GREB1L: variants seen among roughly 807,000 people sequenced by gnomAD.
GREB1L encodes GREB1-like protein.
A neutral mutation model predicts 200.8 loss-of-function variants in GREB1L; 17 were observed. The observed-to-expected ratio is 0.08, with a 90% CI of 0.06 to 0.13. The LOEUF (loss-of-function observed/expected upper bound fraction) is 0.13, where lower values mean the gene tolerates loss of function less well. Among genes scored for constraint, GREB1L ranks in the 10% least tolerant of loss-of-function variants. The pLI is 1.00. For missense variants in GREB1L, 1,657 were observed against 2,367.7 expected, an observed-to-expected ratio of 0.70 and a Z score of 6.23; for synonymous variants, 789 against 893.0, an observed-to-expected ratio of 0.88 and a Z score of 2.08.
At chr18:21,363,271 A>ACCCCC (rs1567951929) in intron 1 of GREB1L, among the ~76,000 whole-genome samples, 1 of 7,310 alleles carries the variant, frequency 1.4e-4, no homozygotes, top group Non-Finnish European at 2.6e-4. Context: ...CCCTGCCCCC[A>ACCCCC]CTCCGCCTCC....
intron 1 of GREB1L, among the ~76,000 whole-genome samples, chr18:21,347,278 CA>C (rs556087217): frequency 5.7e-4 from 74 of 129,000 alleles, no homozygotes; most frequent in South Asian, 8.3e-4. Context: ...GACTCCGTCT[CA>C]AAAAAAAAAA....
chr18:21,344,640 G>T (rs2039318279), intron 1 of GREB1L, among the ~76,000 whole-genome samples: 1 of 152,258 alleles, frequency 6.6e-6, no homozygotes, highest in South Asian at 2.1e-4. Flanking sequence ...GAATAAAAAT[G>T]AATAAAACAC....
chr18:21,520,784 T>C lies in GREB1L; in HGVS notation c.5569T>C (p.Phe1857Leu). Residue 1857 changes from phenylalanine to leucine, a missense_variant, in exon 32 of 33, where the codon TTT becomes CTT. Around this residue, in one of 9 missense-constraint regions of GREB1L, gnomAD observed 190 missense variants for 230.2 expected, o/e 0.83. Coordinates refer to ENST00000424526, the MANE Select transcript of GREB1L (RefSeq NM_001142966.3). Reference protein sequence around the residue: ...SGLLLYLCDSFVGADLKKFKF... With the variant: ...SGLLLYLCDSLVGADLKKFKF... ...ACTCCTTTTGTACCTCTGTGACTCT[T>C]TTGTAGGTGCTGATCTTAAGAAATT... 7.0e-7 allele frequency: 1 copy of C among 1,431,362 alleles called. No homozygotes were observed. The allele number at this position is 1,431,362 out of a possible 1,614,324, so 88.7% of individuals were successfully genotyped here. A position where few individuals can be genotyped will look rare whatever the true frequency, so the allele number is the denominator to read the frequency against.
At chr18:21,303,772 T>A (rs1021868754) in intron 1 of GREB1L, among the ~76,000 whole-genome samples, 1 of 152,238 alleles carries the variant, frequency 6.6e-6, no homozygotes, top group African/African-American at 2.4e-5. Context: ...CTTTTTCATT[T>A]GAACCTTTAA....
At position 21,366,108 on chromosome 18, in the gene GREB1L, G is replaced by C. The variant is rs1413344120; in HGVS notation, c.-38G>C. On this transcript the variant is annotated 5_prime_UTR_variant, in exon 2 of 33. Coordinates refer to ENST00000424526, the MANE Select transcript of GREB1L (RefSeq NM_001142966.3). ...GACTGCCCAACTTAATCATGACTGT[G>C]ATTCAAAAATGTTAATAAATAAACC... 1 of 152,090 alleles carries C rather than the reference G, an allele frequency of 6.6e-6. No individual in the cohort carries two copies. Among genetic ancestry groups the C allele is most frequent in the Non-Finnish European group, 1.5e-5 (1 of 68,012 alleles). 9.4% of individuals were successfully genotyped at this position (152,090 alleles called of 1,614,324 possible). A position where few individuals can be genotyped will look rare whatever the true frequency, so the allele number is the denominator to read the frequency against.
chr18:21,455,319 A>AACAC (rs10581600), intron 15 of GREB1L, among the ~76,000 whole-genome samples: 55,730 of 150,610 alleles, frequency 0.37, 12,438 homozygotes, highest in Non-Finnish European at 0.5. Flanking sequence ...AGCTGAGGAA[A>AACAC]ACACACACAC....
chr18:21,293,899 C>T (rs1400476332), intron 1 of GREB1L, among the ~76,000 whole-genome samples: 11 of 152,172 alleles, frequency 7.2e-5, no homozygotes, highest in Admixed American at 7.2e-4. Context: ...CATACCTCAG[C>T]CTCCCGAGCA....
intron 19 of GREB1L, among the ~76,000 whole-genome samples, chr18:21,494,778 A>G (rs1480913657): frequency 6.6e-6 from 1 of 152,196 alleles, no homozygotes; most frequent in East Asian, 1.9e-4. Context: ...AGCAGTAGAA[A>G]CCACCTTATC....
chr18:21,257,176 C>A (rs2144052931), intron 1 of GREB1L, among the ~76,000 whole-genome samples: 1 of 152,088 alleles, frequency 6.6e-6, no homozygotes, highest in Non-Finnish European at 1.5e-5. Context: ...CCGTGTTAGC[C>A]AGGATGGTCT....
At chr18:21,459,960 C>T (rs537512252) in intron 15 of GREB1L, among the ~76,000 whole-genome samples, 7 of 152,194 alleles carry the variant, frequency 4.6e-5, no homozygotes, top group South Asian at 4.2e-4. Context: ...ATTTACCCCC[C>T]GCTTCACCAC....
At chr18:21,373,209 G>A (rs1317788490) in intron 2 of GREB1L, among the ~76,000 whole-genome samples, 3 of 151,990 alleles carry the variant, frequency 2.0e-5, no homozygotes, top group East Asian at 1.9e-4. Context: ...AGGTGACAGC[G>A]GGATCTCTCC....
intron 7 of GREB1L, among the ~76,000 whole-genome samples, chr18:21,416,209 G>T (rs1316139583): frequency 6.6e-6 from 1 of 151,848 alleles, no homozygotes; most frequent in Admixed American, 6.6e-5. Flanking sequence ...AAAAAGAAAA[G>T]AATAATGAAA....
rs778551970 is a variant in GREB1L at position 21,508,608 on chromosome 18, G to A, written c.4735+17G>A. The stretch of plus-strand genomic sequence containing the variant: ...CAGGCGTGGGTAAGGGGCCCCCCTG[G>A]GATGGGGAGAAGGGCTTCGAAGATA... On this transcript the variant is annotated intron_variant, in intron 27 of 32. Coordinates refer to ENST00000424526, the MANE Select transcript of GREB1L (RefSeq NM_001142966.3). 1 of 1,548,996 alleles carries A rather than the reference G, an allele frequency of 6.5e-7. No individual in the cohort carries two copies. Among genetic ancestry groups the A allele is most frequent in the South Asian group, 1.2e-5 (1 of 83,988 alleles).
chr18:21,335,375 T>G (rs2039168704), intron 1 of GREB1L, among the ~76,000 whole-genome samples: 1 of 152,216 alleles, frequency 6.6e-6, no homozygotes, highest in Non-Finnish European at 1.5e-5. Context: ...TAAAACAATT[T>G]GTGAAAAAGA....
chr18:21,408,041 A>G (rs1252563460), intron 7 of GREB1L, among the ~76,000 whole-genome samples: 1 of 152,204 alleles, frequency 6.6e-6, no homozygotes, highest in African/African-American at 2.4e-5. Context: ...AATAAGTTCT[A>G]GTGTTTGATA....
intron 1 of GREB1L, among the ~76,000 whole-genome samples, chr18:21,252,443 G>T (rs1387452842): frequency 1.3e-5 from 2 of 151,536 alleles, no homozygotes; most frequent in African/African-American, 4.9e-5. Context: ...TGTAATCCCA[G>T]CTACTCGGGA....
At chr18:21,442,150 A>G (rs1277223279) in intron 10 of GREB1L, among the ~76,000 whole-genome samples, 1 of 152,218 alleles carries the variant, frequency 6.6e-6, no homozygotes, top group Non-Finnish European at 1.5e-5. Flanking sequence ...AAGTGGAGGT[A>G]TAGACATTTA....
intron 1 of GREB1L, among the ~76,000 whole-genome samples, chr18:21,287,659 C>T (rs1469765489): frequency 1.3e-5 from 2 of 152,034 alleles, no homozygotes; most frequent in African/African-American, 4.8e-5. Flanking sequence ...TTAATAGTTA[C>T]CATCTTTTCA....
chr18:21,406,856 T>C (rs2030302871), intron 7 of GREB1L, among the ~76,000 whole-genome samples: 1 of 151,104 alleles, frequency 6.6e-6, no homozygotes, highest in Admixed American at 6.7e-5. Flanking sequence ...CTTGCATATT[T>C]TCTCTTAACA....
Sources: gnomAD v4.1 joint callset for allele counts (sites outside exome capture counted in the v4.1 genomes callset) on GRCh38, gnomAD v4.1.1 for gene constraint, gnomAD v4.1.1 regional missense constraint, MANE v1.5 for transcripts, NCBI Gene and HGNC (gene_info 2026-07-23, HGNC 2026-07-21) for gene names.